The following DDX24 variants were observed in gnomAD, a reference collection of about 807,000 sequenced individuals.
DDX24 encodes the protein DEAD-box helicase 24.
A neutral mutation model predicts 68.9 loss-of-function variants in DDX24; 24 were observed. The ratio of observed to expected loss-of-function variants is 0.35; its 90% CI spans 0.25 to 0.49. DDX24 has a LOEUF of 0.49. Ranked by LOEUF, DDX24 falls within the 20% of genes least tolerant of loss-of-function variation. The pLI is 0.99. For synonymous variants in DDX24, 395 were observed against 385.2 expected (o/e 1.03, Z -0.30); for missense variants, 989 against 1,039.0 (o/e 0.95, Z 0.66).
intron 8 of DDX24, chr14:94,051,784 C>T: frequency 3.6e-6 from 1 of 281,438 alleles, no homozygotes; most frequent in East Asian, 6.2e-5. Flanking sequence ...CAGACAGAGC[C>T]CAGAACCCAA....
rs1348385030 is a variant in DDX24 at position 94,060,547 on chromosome 14, C to T, written c.1464G>A (p.Leu488=). 2 of 1,614,182 alleles carry T rather than the reference C, an allele frequency of 1.2e-6. No homozygotes were observed. Among genetic ancestry groups the T allele is most frequent in the Admixed American group, 3.3e-5 (2 of 60,024 alleles). ...EKGHFAELSQ[L]LEMLNDSQYN... is the part of the protein sequence containing the mutation. ...ATTGGGAGTCATTGAGCATCTCTAGCAGCTGTGAGAGCTCAGCAAAATGGC... is the reference window on the plus strand; with the variant it reads ...ATTGGGAGTCATTGAGCATCTCTAGTAGCTGTGAGAGCTCAGCAAAATGGC... Residue 488 remains leucine, a synonymous_variant, in exon 5 of 9, where the codon CTG becomes CTA. Coordinates refer to ENST00000621632, the MANE Select transcript of DDX24 (RefSeq NM_020414.4).
intron 5 of DDX24, 107 bp downstream of exon 5, chr14:94,059,991 G>T (rs541791141): frequency 1.5e-6 from 2 of 1,321,964 alleles, no homozygotes; most frequent in African/African-American, 3.0e-5. Context: ...ACTGAGACAA[G>T]GCCCCTATGA....
chr14:94,065,062 T>TC (rs201437364), intron 2 of DDX24, among the ~76,000 whole-genome samples: 3,196 of 151,744 alleles, frequency 0.021, 118 homozygotes, highest in African/African-American at 0.073. Flanking sequence ...ATCTTTTTTT[T>TC]TTTTTTGAGA....
chr14:94,073,131 G>A (rs1363241255), intron 2 of DDX24, among the ~76,000 whole-genome samples: 1 of 147,164 alleles, frequency 6.8e-6, no homozygotes, highest in African/African-American at 2.6e-5. Flanking sequence ...TGTCACCCAG[G>A]ATGGAGTGCA....
rs1010146852 is a variant in DDX24, at chr14:94,060,791, G to A, written c.1397+122C>T. On this transcript the variant is annotated intron_variant, in intron 4 of 8. Coordinates refer to ENST00000621632, the MANE Select transcript of DDX24 (RefSeq NM_020414.4). ...TGCACTCTTGGCTTTCTAAAGGCCA[G>A]GGTCTGGATGATACCACACCATAGC... The A allele has an allele frequency of 6.1e-6, 9 of 1,478,546 alleles. No homozygotes were observed. In the Admixed American group the frequency reaches 1.1e-4, roughly 18 times the overall value. The allele number at this position is 1,478,546 out of a possible 1,614,324, so 91.6% of individuals were successfully genotyped here. A position where few individuals can be genotyped will look rare whatever the true frequency, so the allele number is the denominator to read the frequency against.
At chr14:94,078,115 TAAGAC>T in intron 2 of DDX24, among the ~76,000 whole-genome samples, 1 of 152,228 alleles carries the variant, frequency 6.6e-6, no homozygotes. Flanking sequence ...ACAATTTACA[TAAGAC>T]CTATGTTGTA....
chr14:94,059,637 C>G (rs921157280), intron 5 of DDX24, among the ~76,000 whole-genome samples: 6 of 152,142 alleles, frequency 3.9e-5, no homozygotes, highest in African/African-American at 1.2e-4. Context: ...CTATTATTAT[C>G]CAAATAATGA....
intron 3 of DDX24, 25 bp from the exon 4 acceptor site, chr14:94,061,091 C>A (rs1346217114): frequency 1.2e-6 from 2 of 1,610,390 alleles, no homozygotes. Context: ...ACATAAGGGA[C>A]ACTTATTCAA....
chr14:94,057,057 G>C (rs1885504507), intron 6 of DDX24: 1 of 152,188 alleles, frequency 6.6e-6, no homozygotes, highest in Non-Finnish European at 1.5e-5. Context: ...ATCAGCATCA[G>C]CTCAATTTAA....
At position 94,048,891 on chromosome 14, in the gene DDX24, A is replaced by G. The variant is rs1366555274; in HGVS notation, c.*2300T>C. 6.6e-6 allele frequency: 1 copy of G among 152,268 alleles called. No individual in the cohort carries two copies. The highest frequency in any genetic ancestry group is 1.9e-4 in the East Asian group (1 of 5,202). The allele number at this position is 152,268 out of a possible 1,614,324, so 9.4% of individuals were successfully genotyped here. ...AAGCCCTACAGCTTCCCTAGGCAGT[A>G]AGTAAAAACATTCTCCTAGCATTAA... is the stretch of plus-strand genomic sequence containing the variant. On this transcript the variant is annotated 3_prime_UTR_variant, in exon 9 of 9. Coordinates refer to ENST00000621632, the MANE Select transcript of DDX24 (RefSeq NM_020414.4).
At chr14:94,053,372 T>C (rs922572376) in intron 7 of DDX24, 6 of 412,944 alleles carry the variant, frequency 1.5e-5, no homozygotes, top group South Asian at 6.3e-5. Context: ...TTTTTTTTTT[T>C]TTTTTTTTTT....
intron 5 of DDX24, 89 bp downstream of exon 5, chr14:94,060,009 T>G: frequency 6.9e-7 from 1 of 1,451,826 alleles, no homozygotes. Context: ...TGACAGAAGG[T>G]GGCTTTTCTA....
chr14:94,068,574 C>T (rs1359816460), intron 2 of DDX24, among the ~76,000 whole-genome samples: 2 of 152,290 alleles, frequency 1.3e-5, no homozygotes, highest in Admixed American at 6.5e-5. Context: ...TATTCAACAG[C>T]ACATGGAACT....
In DDX24 at chr14:94,079,295, T is replaced by G; in HGVS notation, c.448A>C (p.Thr150Pro). 2 of 1,614,122 alleles carry G rather than the reference T, an allele frequency of 1.2e-6. No homozygotes were observed. Among genetic ancestry groups the G allele is most frequent in the Non-Finnish European group, 1.7e-6 (2 of 1,180,036 alleles). ...TTATTTTTCTTCTTTTTTGGAGCAG[T>G]TTGGACCAGGTTTTCTGATGTCATC... ...GEMTSENLVQ[T>P]APKKKKNKGK... The change falls in exon 2 of 9, where the codon ACT (threonine) becomes CCT (proline). Residue 150 changes from threonine to proline, a missense_variant. Thr to Pro is a conservative substitution (Grantham distance 38). Around this residue, in one of 3 missense-constraint regions of DDX24, gnomAD observed 295 missense variants for 263.0 expected, o/e 1.12. Coordinates refer to ENST00000621632, the MANE Select transcript of DDX24 (RefSeq NM_020414.4).
At chr14:94,076,115 A>T (rs1248297750) in intron 2 of DDX24, among the ~76,000 whole-genome samples, 1 of 152,202 alleles carries the variant, frequency 6.6e-6, no homozygotes, top group African/African-American at 2.4e-5. Flanking sequence ...TATTTATCCA[A>T]TAGAAATTAA....
intron 2 of DDX24, among the ~76,000 whole-genome samples, chr14:94,068,584 T>C (rs573685082): frequency 2.0e-5 from 3 of 152,278 alleles, no homozygotes; most frequent in African/African-American, 4.8e-5. Flanking sequence ...CACATGGAAC[T>C]TTCTCCAAGA....
chr14:94,060,688 C>T (rs2141425886), intron 4 of DDX24, 75 bp from the exon 5 acceptor site: 2 of 1,539,142 alleles, frequency 1.3e-6, no homozygotes, highest in Non-Finnish European at 1.8e-6. Context: ...ACCCTACACT[C>T]ATCCTAAACA....
chr14:94,058,985 C>T (rs781033730), intron 5 of DDX24, among the ~76,000 whole-genome samples: 11 of 152,102 alleles, frequency 7.2e-5, no homozygotes, highest in Non-Finnish European at 1.3e-4. Flanking sequence ...ACTGGTAGTC[C>T]TAGCTACTTA....
At chr14:94,071,566 C>T (rs557921622) in intron 2 of DDX24, among the ~76,000 whole-genome samples, 24 of 152,290 alleles carry the variant, frequency 1.6e-4, no homozygotes, top group African/African-American at 5.5e-4. Flanking sequence ...AGGAGAATCA[C>T]TTGAACCTGG....
Sources: gnomAD v4.1 joint callset for allele counts (sites outside exome capture counted in the v4.1 genomes callset) on GRCh38, gnomAD v4.1.1 for gene constraint, gnomAD v4.1.1 regional missense constraint, MANE v1.5 for transcripts, NCBI Gene and HGNC (gene_info 2026-07-23, HGNC 2026-07-21) for gene names.